MALRD1: variants seen among roughly 807,000 people sequenced by gnomAD.
The protein encoded by MALRD1 is MAM and LDL-receptor class A domain-containing protein 1.
MALRD1 carries 247 observed loss-of-function variants against 242.1 expected under a neutral mutation model. The ratio of observed to expected loss-of-function variants is 1.02; its 90% confidence interval spans 0.92 to 1.13. The LOEUF is 1.13. MALRD1 is among the 50% of genes most tolerant of loss of function. MALRD1 has a pLI of 0.00. For synonymous variants in MALRD1, 995 were observed against 866.6 expected, an observed-to-expected ratio of 1.15 and a Z score of -2.60; for missense variants, 2,989 against 2,533.1, an observed-to-expected ratio of 1.18 and a Z score of -3.86.
upstream of MALRD1, among the ~76,000 whole-genome samples, chr10:19,047,780 T>C (rs1834374947): frequency 6.6e-6 from 1 of 152,162 alleles, no homozygotes; most frequent in South Asian, 2.1e-4. Flanking sequence ...ATATACTTTT[T>C]CCCCTACAAT....
chr10:19,281,797 C>A (rs193067926), intron 20 of MALRD1, among the ~76,000 whole-genome samples: 3 of 152,052 alleles, frequency 2.0e-5, no homozygotes, highest in Admixed American at 1.3e-4. Flanking sequence ...CATGGCAAAA[C>A]CCCATCTCTA....
chr10:19,618,627 T>A (rs930555239), intron 36 of MALRD1, among the ~76,000 whole-genome samples: 6 of 152,030 alleles, frequency 3.9e-5, no homozygotes, highest in Non-Finnish European at 7.4e-5. Context: ...AGCATGTGTG[T>A]CTTCTTTCAA....
At chr10:19,480,843 T>C (rs11010119) in intron 29 of MALRD1, among the ~76,000 whole-genome samples, 44,522 of 151,832 alleles carry the variant, frequency 0.29, 6,647 homozygotes, top group East Asian at 0.41. Context: ...TTTTTGGCGG[T>C]TGGGGGGGAT....
At chr10:19,650,060 T>C (rs901577861) in intron 36 of MALRD1, among the ~76,000 whole-genome samples, 1 of 152,076 alleles carries the variant, frequency 6.6e-6, no homozygotes, top group Non-Finnish European at 1.5e-5. Context: ...TAAGCAGATA[T>C]GGAATCTTAG....
intron 36 of MALRD1, among the ~76,000 whole-genome samples, chr10:19,648,600 A>G (rs572817545): frequency 6.6e-6 from 1 of 152,334 alleles, no homozygotes; most frequent in South Asian, 2.1e-4. Context: ...TCTCCAGTAT[A>G]TAACCTACAG....
intron 38 of MALRD1, among the ~76,000 whole-genome samples, chr10:19,693,195 A>G (rs937857042): frequency 1.3e-5 from 2 of 151,866 alleles, no homozygotes; most frequent in Admixed American, 6.6e-5. Context: ...CACCACTCCT[A>G]TTCAACATAG....
At chr10:19,601,164 G>A (rs1838323367) in intron 34 of MALRD1, among the ~76,000 whole-genome samples, 2 of 152,074 alleles carry the variant, frequency 1.3e-5, no homozygotes, top group South Asian at 4.1e-4. Flanking sequence ...TTACAGGTGT[G>A]AGCCACTGTG....
intron 36 of MALRD1, among the ~76,000 whole-genome samples, chr10:19,635,281 T>A (rs572928614): frequency 6.6e-6 from 1 of 152,170 alleles, no homozygotes; most frequent in East Asian, 1.9e-4. Flanking sequence ...GAAAGTGAAA[T>A]CAGCAATTGG....
At chr10:19,083,977 C>A (rs1250377402) in intron 2 of MALRD1, among the ~76,000 whole-genome samples, 1 of 151,944 alleles carries the variant, frequency 6.6e-6, no homozygotes, top group African/African-American at 2.4e-5. Context: ...CTGGTGTTTT[C>A]ATTAACAATA....
chr10:19,365,001 G>T (rs1173180427), intron 26 of MALRD1, among the ~76,000 whole-genome samples: 1 of 151,944 alleles, frequency 6.6e-6, no homozygotes, highest in African/African-American at 2.4e-5. Context: ...CACATCATCT[G>T]CTTTCACAGA....
rs548361105 is a variant in MALRD1 at position 19,710,069 on chromosome 10, C to T, written c.6314+17515C>T. The stretch of plus-strand genomic sequence containing the variant: ...GAGCCAATGATCACACCACTGCACT[C>T]CAGCCTGGGCAACAAAGCAAAACCC... On this transcript the variant is annotated intron_variant, in intron 38 of 39. Coordinates refer to ENST00000454679, the MANE Select transcript of MALRD1 (RefSeq NM_001142308.3). 2.7e-4 allele frequency among the ~76,000 whole-genome samples: 41 copies of T among 152,194 alleles called. No homozygotes were observed. The South Asian group carries it at 4.6e-3, about 17-fold the overall frequency.
intron 26 of MALRD1, among the ~76,000 whole-genome samples, chr10:19,385,404 C>A (rs1219206692): frequency 6.6e-6 from 1 of 151,878 alleles, no homozygotes; most frequent in Non-Finnish European, 1.5e-5. Context: ...GGGTTGTTAC[C>A]ACTTCAATCT....
At chr10:19,682,168 G>A (rs1287818891) in intron 36 of MALRD1, among the ~76,000 whole-genome samples, 1 of 152,090 alleles carries the variant, frequency 6.6e-6, no homozygotes, top group Non-Finnish European at 1.5e-5. Flanking sequence ...TAAACCCTCT[G>A]CCAGTTCCTA....
rs1373872044 is a variant in MALRD1, at chr10:19,519,384, T to A, written c.5321-11810T>A. Among the ~76,000 whole-genome samples the A allele has an allele frequency of 3.9e-5, 6 of 152,314 alleles. No individual in the cohort carries two copies. The East Asian group carries it at 7.7e-4, about 20-fold the overall frequency. On this transcript the variant is annotated intron_variant, in intron 31 of 39. Coordinates refer to ENST00000454679, the MANE Select transcript of MALRD1 (RefSeq NM_001142308.3). Reference sequence around the variant, plus strand: ...CAAGGAGAATGACAAACTATTAGTATAAAATGAACAGTTATTAATATTACT... The same window carrying A: ...CAAGGAGAATGACAAACTATTAGTAAAAAATGAACAGTTATTAATATTACT...
intron 20 of MALRD1, among the ~76,000 whole-genome samples, chr10:19,282,034 C>CAATA (rs1406558688): frequency 7.4e-5 from 11 of 147,706 alleles, no homozygotes; most frequent in Non-Finnish European, 1.0e-4. Flanking sequence ...GCTAAGGGTA[C>CAATA]AATACATTAT....
intron 29 of MALRD1, among the ~76,000 whole-genome samples, chr10:19,480,175 T>C (rs1836931991): frequency 6.6e-6 from 1 of 152,064 alleles, no homozygotes; most frequent in South Asian, 2.1e-4. Flanking sequence ...GAGTCAGGAG[T>C]AGAGAATGAT....
intron 36 of MALRD1, among the ~76,000 whole-genome samples, chr10:19,681,980 C>T (rs1842391261): frequency 6.6e-6 from 1 of 151,794 alleles, no homozygotes. Flanking sequence ...TACAGGCATG[C>T]ACCACCACAC....
intron 36 of MALRD1, among the ~76,000 whole-genome samples, 164 bp from the exon 37 acceptor site, chr10:19,692,118 T>G (rs375915387): frequency 1.3e-5 from 2 of 152,128 alleles, no homozygotes; most frequent in African/African-American, 4.8e-5. Flanking sequence ...ACAATTTAAT[T>G]TTGGTTTTGC....
chr10:19,101,144 AAAG>A (rs1836235439), intron 4 of MALRD1, among the ~76,000 whole-genome samples: 1 of 151,390 alleles, frequency 6.6e-6, no homozygotes, highest in Non-Finnish European at 1.5e-5. Context: ...TACATTGTAC[AAAG>A]AAGAAAACTG....
Sources: allele counts gnomAD v4.1 joint callset (sites outside exome capture counted in the v4.1 genomes callset), GRCh38; gene constraint gnomAD v4.1.1; transcripts MANE v1.5; gene names NCBI Gene and HGNC (gene_info 2026-07-23, HGNC 2026-07-21).